ZP2: variants seen among roughly 807,000 people sequenced by gnomAD.
ZP2 encodes zona pellucida glycoprotein 2.
A neutral mutation model predicts 84.0 loss-of-function variants in ZP2; 51 were observed. That is an observed-to-expected ratio of 0.61 (90% CI 0.49 to 0.77). The LOEUF (loss-of-function observed/expected upper bound fraction) is 0.77, where lower values mean the gene tolerates loss of function less well. ZP2 is among the 30% of genes least tolerant of loss of function. ZP2 has a pLI of 0.00. For missense variants in ZP2, 909 were observed against 911.9 expected (o/e 1.00, Z 0.04); for synonymous variants, 375 against 330.9 (o/e 1.13, Z -1.45).
chr16:21,202,255 T>C lies in ZP2; in HGVS notation c.1136A>G (p.Asp379Gly), dbSNP rs773628989. 1.3e-6 allele frequency: 2 copies of C among 1,546,714 alleles called. No individual in the cohort carries two copies. The highest frequency in any genetic ancestry group is 4.5e-5 in the East Asian group (2 of 44,184). Reference sequence around the variant, plus strand: ...TGTTTGGTAGCTGTAGACCTCGACGTCCATAAACCCATCCTGGGTGCACAG... The same window carrying C: ...TGTTTGGTAGCTGTAGACCTCGACGCCCATAAACCCATCCTGGGTGCACAG... ...GELCTQDGFM[D>G]VEVYSYQTQP... Residue 379 changes from aspartate to glycine, a missense_variant, in exon 11 of 19, where the codon GAC (aspartate) becomes GGC (glycine). Transcript: ENST00000574091.
Position 21,197,719 on chromosome 16 carries a change from C to T in ZP2, c.2095+47G>A, listed in dbSNP as rs752332321. On this transcript the variant is annotated intron_variant, in intron 18 of 18. Transcript: ENST00000574091. ...CCCCAGAGAAGGGGGTAAAACTAAGCCTTCAACAGGCTTATTTCAGAAGTT... is the reference window on the plus strand; with the variant it reads ...CCCCAGAGAAGGGGGTAAAACTAAGTCTTCAACAGGCTTATTTCAGAAGTT... The T allele has an allele frequency of 3.4e-5, 55 of 1,613,160 alleles. 1 individual carries two copies. The South Asian group carries it at 5.8e-4, about 17-fold the overall frequency.
At chr16:21,214,042 T>A (rs1393926264), upstream of ZP2, among the ~76,000 whole-genome samples, 1 of 151,790 alleles carries the variant, frequency 6.6e-6, no homozygotes, top group Non-Finnish European at 1.5e-5. Flanking sequence ...CTCGAGATGG[T>A]GTCTTTCTCC....
At chr16:21,213,372 CTG>C (rs2093281742), upstream of ZP2, among the ~76,000 whole-genome samples, 2 of 152,184 alleles carry the variant, frequency 1.3e-5, no homozygotes, top group African/African-American at 4.8e-5. Flanking sequence ...ATGGCAAAAA[CTG>C]CAATTATTTT....
rs776033707 is a variant in ZP2 at position 21,206,930 on chromosome 16, C to T, written c.391G>A (p.Ala131Thr). The T allele has an allele frequency of 1.9e-6, 3 of 1,614,146 alleles. No individual in the cohort carries two copies. Among genetic ancestry groups the T allele is most frequent in the Non-Finnish European group, 2.5e-6 (3 of 1,180,026 alleles). The change falls in exon 5 of 19, where the codon GCT (alanine) becomes ACT (threonine). Residue 131 changes from alanine to threonine, a missense_variant. Coordinates refer to ENST00000574091, the MANE Select transcript of ZP2 (RefSeq NM_001376232.1). ...MNNSAALRHG[A>T]VMYQFFCPAM... Reference sequence around the variant, plus strand: ...GGACAGAAGAACTGATACATGACAGCTCCGTGTCTTAAGGCAGCACTGTTG... The same window carrying T: ...GGACAGAAGAACTGATACATGACAGTTCCGTGTCTTAAGGCAGCACTGTTG...
In ZP2 at chr16:21,203,167, C is replaced by A; in HGVS notation, c.1057G>T (p.Val353Leu). ...TCACAGAGACACTCAGGATAGATCA[C>A]CATGGATACTGTCTCTGGCCGAAGG... ...FLLRPETVSMVIYPECLCESP... is the reference protein window; with the variant it reads ...FLLRPETVSMLIYPECLCESP... Residue 353 changes from valine (V) to leucine (L), a missense_variant, in exon 10 of 19, where the codon GTG (valine) becomes TTG (leucine). Coordinates refer to ENST00000574091, the MANE Select transcript of ZP2 (RefSeq NM_001376232.1). 1.9e-6 allele frequency: 3 copies of A among 1,613,912 alleles called. No homozygotes were observed. The highest frequency in any genetic ancestry group is 2.5e-6 in the Non-Finnish European group (3 of 1,179,908).
At chr16:21,201,663 G>C in intron 13 of ZP2, 43 bp downstream of exon 13, 1 of 1,613,648 alleles carries the variant, frequency 6.2e-7, no homozygotes, top group South Asian at 1.1e-5. Flanking sequence ...TTAGGGAGAA[G>C]TTTGAGATCA....
Position 21,197,548 on chromosome 16 carries a change from C to G in ZP2, c.2170G>C (p.Ala724Pro). 1 of 1,614,182 alleles carries G rather than the reference C, an allele frequency of 6.2e-7. No homozygotes were observed. ...SKAVAAVAAF[A>P]GVVATLGFIY... ...AAGCCTAGAGTTGCCACCACACCTG[C>G]AAAGGCAGCCACAGCAGCCACAGCT... Residue 724 changes from alanine to proline, a missense_variant, in exon 19 of 19, where the codon GCA (alanine) becomes CCA (proline). By Grantham distance (27) the Ala-to-Pro change is conservative. Coordinates refer to ENST00000574091, the MANE Select transcript of ZP2 (RefSeq NM_001376232.1).
At chr16:21,209,604 CAAG>C (rs1184423011) in intron 4 of ZP2, 24 bp downstream of exon 4, 1 of 1,607,200 alleles carries the variant, frequency 6.2e-7, no homozygotes, top group African/African-American at 1.3e-5. Context: ...CGTACTTCCC[CAAG>C]AACTGCTCAA....
chr16:21,199,506 T>C (rs2093215347), intron 16 of ZP2, 64 bp downstream of exon 16: 1 of 1,368,848 alleles, frequency 7.3e-7, no homozygotes, highest in Non-Finnish European at 9.9e-7. Flanking sequence ...TAAGATCTTC[T>C]ATTCTAAAAA....
chr16:21,211,221 C>G, intron 2 of ZP2, 86 bp downstream of exon 2: 1 of 1,191,496 alleles, frequency 8.4e-7, no homozygotes, highest in Non-Finnish European at 1.2e-6. Flanking sequence ...TTGTCTGAGC[C>G]AGGCCTGTGT....
intron 18 of ZP2, 59 bp from the exon 19 acceptor site, chr16:21,197,681 C>G: frequency 1.2e-6 from 2 of 1,613,052 alleles, no homozygotes; most frequent in Non-Finnish European, 1.7e-6. Flanking sequence ...AAGTGGAAGC[C>G]TTACATAAGG....
chr16:21,203,150 A>G lies in ZP2; in HGVS notation c.1074T>C (p.Cys358=), dbSNP rs1401876653. The change falls in exon 10 of 19, where the codon TGT becomes TGC. Residue 358 remains cysteine (C), a synonymous_variant. Transcript: ENST00000574091. ...ETVSMVIYPE[C]LCESPVSIVT... Reference sequence around the variant, plus strand: ...CTATAGAAACGGGTGACTCACAGAGACACTCAGGATAGATCACCATGGATA... The same window carrying G: ...CTATAGAAACGGGTGACTCACAGAGGCACTCAGGATAGATCACCATGGATA... 3.1e-6 allele frequency: 5 copies of G among 1,613,886 alleles called. No homozygotes were observed. The highest frequency in any genetic ancestry group is 4.2e-6 in the Non-Finnish European group (5 of 1,179,866).
chr16:21,206,940 T>C lies in ZP2; in HGVS notation c.381A>G (p.Leu127=), dbSNP rs1278065958. Reference sequence around the variant, plus strand: ...ACTGATACATGACAGCTCCGTGTCTTAAGGCAGCACTGTTGTTCATGACTC... The same window carrying C: ...ACTGATACATGACAGCTCCGTGTCTCAAGGCAGCACTGTTGTTCATGACTC... ...TIRVMNNSAA[L]RHGAVMYQFF... is the part of the protein sequence containing the mutation. The change falls in exon 5 of 19, where the codon TTA becomes TTG. Residue 127 remains leucine (L), a synonymous_variant. Coordinates refer to ENST00000574091, the MANE Select transcript of ZP2 (RefSeq NM_001376232.1). 1 of 1,614,114 alleles carries C rather than the reference T, an allele frequency of 6.2e-7. No individual in the cohort carries two copies. Among genetic ancestry groups the C allele is most frequent in the East Asian group, 2.2e-5 (1 of 44,882 alleles).
intron 5 of ZP2, among the ~76,000 whole-genome samples, chr16:21,206,326 C>T (rs891738093): frequency 1.3e-5 from 2 of 152,198 alleles, no homozygotes; most frequent in Admixed American, 6.5e-5. Context: ...TTTGCCCTTT[C>T]ACCAATGTCC....
At chr16:21,211,679 C>T (rs113674426), upstream of ZP2, 43 of 1,567,242 alleles carry the variant, frequency 2.7e-5, no homozygotes, top group Middle Eastern at 2.2e-4. Flanking sequence ...CCAGCTGAAA[C>T]GGAAGGATTG....
intron 14 of ZP2, 117 bp from the exon 15 acceptor site, chr16:21,199,995 T>C: frequency 7.6e-7 from 1 of 1,312,902 alleles, no homozygotes; most frequent in Non-Finnish European, 1.1e-6. Flanking sequence ...ATTTACCTTC[T>C]ACCAGCACCT....
intron 16 of ZP2, 74 bp downstream of exon 16, chr16:21,199,496 T>C: frequency 7.6e-7 from 1 of 1,317,980 alleles, no homozygotes; most frequent in Non-Finnish European, 1.0e-6. Flanking sequence ...TACCAGTCCT[T>C]AAGATCTTCT....
chr16:21,197,922 G>A lies in ZP2; in HGVS notation c.2012-73C>T, dbSNP rs2093207170. 2.7e-5 allele frequency: 38 copies of A among 1,423,714 alleles called. No individual in the cohort carries two copies. The South Asian group carries it at 4.3e-4, about 16-fold the overall frequency. 88.2% of individuals were successfully genotyped at this position (1,423,714 alleles called of 1,614,324 possible). A position where few individuals can be genotyped will look rare whatever the true frequency, so the allele number is the denominator to read the frequency against. ...GTGGTTAGCTGTCCCCTGAGGGTGT[G>A]ATCCCACAGGTTGTTCATTAAGGCT... On this transcript the variant is annotated intron_variant, in intron 17 of 18. Coordinates refer to ENST00000574091, the MANE Select transcript of ZP2 (RefSeq NM_001376232.1).
intron 14 of ZP2, among the ~76,000 whole-genome samples, chr16:21,200,938 C>CCTG (rs1410106220): frequency 6.6e-6 from 1 of 152,174 alleles, no homozygotes; most frequent in Non-Finnish European, 1.5e-5. Context: ...GTGGTTCACA[C>CCTG]CTGTAATCCC....
Sources: allele counts gnomAD v4.1 joint callset (sites outside exome capture counted in the v4.1 genomes callset), GRCh38; gene constraint gnomAD v4.1.1; transcripts MANE v1.5; gene names NCBI Gene and HGNC (gene_info 2026-07-23, HGNC 2026-07-21).